MIA2: variants seen among roughly 807,000 people sequenced by gnomAD.
The protein encoded by MIA2 is MIA SH3 domain ER export factor 2.
In MIA2, 127 loss-of-function variants were observed where a neutral mutation model predicts 167.8. The observed-to-expected ratio is 0.76, with a 90% CI of 0.66 to 0.88. The LOEUF is 0.88. Among genes scored for constraint, MIA2 ranks in the 40% least tolerant of loss-of-function variants. The pLI is 0.00. For synonymous variants in MIA2, 552 were observed against 541.9 expected (o/e 1.02, Z -0.26); for missense variants, 1,690 against 1,624.7 (o/e 1.04, Z -0.69).
intron 7 of MIA2, among the ~76,000 whole-genome samples, chr14:39,279,043 C>A (rs1254469285): frequency 6.6e-6 from 1 of 151,738 alleles, no homozygotes; most frequent in South Asian, 2.1e-4. Flanking sequence ...CACCTGTAAT[C>A]CCAGCTACTC....
chr14:39,245,775 C>T (rs919058722), intron 3 of MIA2, among the ~76,000 whole-genome samples: 5 of 152,206 alleles, frequency 3.3e-5, no homozygotes, highest in African/African-American at 1.2e-4. Context: ...ATAACAAGCC[C>T]GCTCATGTAG....
downstream of MIA2, among the ~76,000 whole-genome samples, chr14:39,351,637 A>G (rs559653088): frequency 3.3e-5 from 5 of 152,154 alleles, no homozygotes; most frequent in South Asian, 2.1e-4. Flanking sequence ...AAGAGGCTCA[A>G]GGGAGCTTGT....
At chr14:39,283,513 C>A (rs2059232693) in intron 9 of MIA2, among the ~76,000 whole-genome samples, 1 of 152,074 alleles carries the variant, frequency 6.6e-6, no homozygotes, top group Non-Finnish European at 1.5e-5. Flanking sequence ...CTGCTCTATG[C>A]CTTTCTCTTT....
At chr14:39,304,144 G>C (rs2062949040) in intron 16 of MIA2, 147 bp from the exon 17 acceptor site, 2 of 408,904 alleles carry the variant, frequency 4.9e-6, no homozygotes, top group Non-Finnish European at 8.8e-6. Context: ...GCTGCATTAT[G>C]GTTTCTGTAT....
intron 3 of MIA2, among the ~76,000 whole-genome samples, chr14:39,242,657 T>G (rs1006904450): frequency 1.3e-5 from 2 of 152,074 alleles, no homozygotes; most frequent in Non-Finnish European, 2.9e-5. Flanking sequence ...TTTTTTCTGT[T>G]GTTTACTGCA....
chr14:39,300,778 G>A (rs1017492792), intron 14 of MIA2, among the ~76,000 whole-genome samples: 3 of 151,754 alleles, frequency 2.0e-5, no homozygotes, highest in African/African-American at 4.8e-5. Context: ...TAACAAACCT[G>A]CACATTGTGC....
At chr14:39,260,523 T>C (rs1389877758) in intron 6 of MIA2, among the ~76,000 whole-genome samples, 1 of 152,244 alleles carries the variant, frequency 6.6e-6, no homozygotes, top group Non-Finnish European at 1.5e-5. Flanking sequence ...AAGTGTCTGT[T>C]CATATCCTTT....
In MIA2 at chr14:39,252,793, T is replaced by C; in HGVS notation, c.1613T>C (p.Val538Ala). Residue 538 changes from valine to alanine, a missense_variant, in exon 5 of 29, where the codon GTA becomes GCA. Transcript: ENST00000640607. ...TTACCTACGAGAATTCACGAAGAAG[T>C]ATATTTTGAACCCTCATCTTCTAAA... is the stretch of plus-strand genomic sequence containing the variant. ...IELPTRIHEEVYFEPSSSKDS... is the reference protein window; with the variant it reads ...IELPTRIHEEAYFEPSSSKDS... 3 of 1,613,748 alleles carry C rather than the reference T, an allele frequency of 1.9e-6. No homozygotes were observed. The highest frequency in any genetic ancestry group is 2.5e-6 in the Non-Finnish European group (3 of 1,179,778).
rs188538749 is a variant in MIA2, at chr14:39,349,954, A to G, written c.4073-144A>G. The G allele has an allele frequency of 3.2e-4, 142 of 438,718 alleles. No individual in the cohort carries two copies. In the East Asian group the frequency reaches 4.4e-3, roughly 14 times the overall value. The allele number at this position is 438,718 out of a possible 1,614,324, so 27.2% of individuals were successfully genotyped here. On this transcript the variant is annotated intron_variant, in intron 28 of 28. Transcript: ENST00000640607. ...GAGGTACGTTTTTCTCAATGTAAAA[A>G]TTAATTTGTTAGATCAAGTAATTAT... is the stretch of plus-strand genomic sequence containing the variant.
At chr14:39,333,777 G>C (rs1197884781) in intron 25 of MIA2, among the ~76,000 whole-genome samples, 1 of 152,100 alleles carries the variant, frequency 6.6e-6, no homozygotes, top group Admixed American at 6.6e-5. Context: ...TTATGTGTAG[G>C]AGAGTCAGTC....
chr14:39,273,804 GAT>G, intron 6 of MIA2, among the ~76,000 whole-genome samples: 1 of 152,214 alleles, frequency 6.6e-6, no homozygotes, highest in African/African-American at 2.4e-5. Flanking sequence ...TTTCTTGTGT[GAT>G]GTATTTGTCT....
At chr14:39,263,293 T>G (rs772532595) in intron 6 of MIA2, among the ~76,000 whole-genome samples, 7 of 152,178 alleles carry the variant, frequency 4.6e-5, no homozygotes, top group Admixed American at 6.5e-5. Context: ...TTTGTCTTTG[T>G]TTCTGTTTAT....
intron 23 of MIA2, among the ~76,000 whole-genome samples, chr14:39,358,464 T>C (rs2074589866): frequency 6.6e-6 from 1 of 152,190 alleles, no homozygotes; most frequent in Non-Finnish European, 1.5e-5. Flanking sequence ...CTAATCTTTT[T>C]TTTGAAGGTT....
chr14:39,280,006 TG>T (rs949660056), intron 9 of MIA2, among the ~76,000 whole-genome samples: 10 of 151,922 alleles, frequency 6.6e-5, no homozygotes, highest in Non-Finnish European at 1.0e-4. Flanking sequence ...TAATAGTCTT[TG>T]ATCCATTTGA....
chr14:39,246,699 G>T (rs187904142), intron 3 of MIA2, among the ~76,000 whole-genome samples: 285 of 152,106 alleles, frequency 1.9e-3, no homozygotes, highest in African/African-American at 6.3e-3. Flanking sequence ...AACAAACAAA[G>T]AAACAAAAAA....
intron 9 of MIA2, among the ~76,000 whole-genome samples, chr14:39,284,535 T>C (rs1319278873): frequency 6.6e-6 from 1 of 152,132 alleles, no homozygotes; most frequent in Non-Finnish European, 1.5e-5. Flanking sequence ...TTGGGATCTT[T>C]TGCTATTCCA....
intron 1 of MIA2, among the ~76,000 whole-genome samples, chr14:39,236,590 C>A (rs56182546): frequency 0.071 from 10,828 of 152,222 alleles, 400 homozygotes; most frequent in African/African-American, 0.096. Flanking sequence ...ATCTTTTGTC[C>A]TTTCCTACAG....
rs753010579 is a variant in MIA2 at position 39,247,608 on chromosome 14, T to C, written c.1034T>C (p.Ile345Thr). ...CCACTACAAGATTTTCCCAATTCCATATCATCTGATAAAGAAGCCACAGTT... is the reference window on the plus strand; with the variant it reads ...CCACTACAAGATTTTCCCAATTCCACATCATCTGATAAAGAAGCCACAGTT... ...NPPLQDFPNS[I>T]SSDKEATVPC... Residue 345 changes from isoleucine to threonine, a missense_variant, in exon 4 of 29, where the codon ATA (isoleucine) becomes ACA (threonine). Physicochemically the swap from Ile to Thr is moderately conservative, Grantham distance 89. Transcript: ENST00000640607. 6.2e-7 allele frequency: 1 copy of C among 1,613,920 alleles called. No individual in the cohort carries two copies. The highest frequency in any genetic ancestry group is 8.5e-7 in the Non-Finnish European group (1 of 1,180,008).
downstream of MIA2, among the ~76,000 whole-genome samples, chr14:39,353,622 C>T (rs1294780642): frequency 6.6e-6 from 1 of 152,088 alleles, no homozygotes; most frequent in Non-Finnish European, 1.5e-5. Flanking sequence ...GCACAATGTG[C>T]AGGTTTGTTA....
Sources: allele counts gnomAD v4.1 joint callset (sites outside exome capture counted in the v4.1 genomes callset), GRCh38; gene constraint gnomAD v4.1.1; transcripts MANE v1.5; gene names NCBI Gene and HGNC (gene_info 2026-07-23, HGNC 2026-07-21).